The following MTFR1L variants were observed in gnomAD, a reference collection of about 807,000 sequenced individuals.
MTFR1L encodes mitochondrial fission regulator 1-like.
A neutral mutation model predicts 27.9 loss-of-function variants in MTFR1L; 10 were observed. The observed-to-expected ratio is 0.36, with a 90% confidence interval of 0.22 to 0.61. The LOEUF is 0.61. Among genes scored for constraint, MTFR1L ranks in the 20% least tolerant of loss-of-function variants. The pLI, the probability that MTFR1L is intolerant of heterozygous loss-of-function variation, is 0.73. For missense variants in MTFR1L, 315 were observed against 363.7 expected (o/e 0.87, Z 1.09); for synonymous variants, 151 against 139.4 (o/e 1.08, Z -0.58).
rs2048170339 is a variant in MTFR1L at position 25,826,522 on chromosome 1, T to TA, written c.240-92dup. 7 of 1,574,354 alleles carry TA rather than the reference T, an allele frequency of 4.4e-6. No homozygotes were observed. The highest frequency in any genetic ancestry group is 1.7e-5 in the Admixed American group (1 of 59,768). Reference sequence around the variant, plus strand: ...GTGGGCTCAGAGAGGAGCAGAACCTTACTATACTACTCTCACAGAAGTGGG... The same window carrying TA: ...GTGGGCTCAGAGAGGAGCAGAACCTTAACTATACTACTCTCACAGAAGTGGG... On this transcript the variant is annotated intron_variant, in intron 4 of 6. Coordinates refer to ENST00000374303, the MANE Select transcript of MTFR1L (RefSeq NM_001099625.2). This position sits in a 1 kb window ranked among gnomAD's most constrained non-coding sequence, Gnocchi z 4.1.
chr1:25,827,159 G>C (rs1490217886), intron 5 of MTFR1L, among the ~76,000 whole-genome samples: 1 of 151,444 alleles, frequency 6.6e-6, no homozygotes, highest in Non-Finnish European at 1.5e-5. Flanking sequence ...TCTCCTCTGA[G>C]TGAGTCTTGC....
At chr1:25,820,056 A>T (rs1002363128) in intron 1 of MTFR1L, 27 bp downstream of exon 1, 9 of 402,304 alleles carry the variant, frequency 2.2e-5, no homozygotes, top group African/African-American at 1.7e-4. Flanking sequence ...GGAGGCGCGG[A>T]GGCGGGAGCG....
At chr1:25,828,878 G>A (rs1267220937) in intron 5 of MTFR1L, among the ~76,000 whole-genome samples, 1 of 152,182 alleles carries the variant, frequency 6.6e-6, no homozygotes, top group African/African-American at 2.4e-5. Context: ...GAAGTTTTAT[G>A]AAGAATTGTA....
intron 3 of MTFR1L, chr1:25,825,862 G>A (rs1295725753): frequency 6.2e-6 from 1 of 161,462 alleles, no homozygotes; most frequent in Non-Finnish European, 1.4e-5. Flanking sequence ...GTTTTTGAAT[G>A]TGGCTCTGTT....
intron 3 of MTFR1L, among the ~76,000 whole-genome samples, chr1:25,824,319 C>T (rs931062344): frequency 6.6e-6 from 1 of 152,224 alleles, no homozygotes; most frequent in African/African-American, 2.4e-5. Context: ...AGATTCCTAC[C>T]TGGCCCAGGT....
chr1:25,823,233 TC>T, intron 2 of MTFR1L, 105 bp downstream of exon 2: 1 of 1,170,326 alleles, frequency 8.5e-7, no homozygotes, highest in Non-Finnish European at 1.3e-6. Flanking sequence ...CACTCCTTTC[TC>T]CAGAGGCCTG....
At chr1:25,820,720 TGGG>T (rs1557439579) in intron 1 of MTFR1L, 1 of 431,550 alleles carries the variant, frequency 2.3e-6, no homozygotes, top group Non-Finnish European at 4.6e-6. Context: ...CAGTGACACT[TGGG>T]GGCGGGGGTG....
chr1:25,829,772 T>G lies in MTFR1L; in HGVS notation c.715T>G (p.Phe239Val). ...CGTCTCTTTGTCCAAGGCCAGCAGC[T>G]TTGCAGACATGATGGGTATCCTGAA... ...DCVSLSKASS[F>V]ADMMGILKDF... The change falls in exon 6 of 7, where the codon TTT becomes GTT. Residue 239 changes from phenylalanine to valine, a missense_variant. Transcript: ENST00000374303. 6.2e-7 allele frequency: 1 copy of G among 1,610,828 alleles called. No homozygotes were observed. Among genetic ancestry groups the G allele is most frequent in the South Asian group, 1.1e-5 (1 of 91,086 alleles).
At chr1:25,821,795 C>T (rs1470319485) in intron 1 of MTFR1L, 1 of 152,304 alleles carries the variant, frequency 6.6e-6, no homozygotes, top group Admixed American at 6.5e-5. Context: ...GCACTAGGGC[C>T]AGAGCTCTGA....
rs974939754 is a variant in MTFR1L, at chr1:25,826,281, A to G, written c.130-21A>G. 7 of 1,607,644 alleles carry G rather than the reference A, an allele frequency of 4.4e-6. No individual in the cohort carries two copies. In the African/African-American group the frequency reaches 8.0e-5, roughly 18 times the overall value. ...CTCATCATGGCATCTGTAAATGTTG[A>G]TGACTTTTGCTTCTCCATAGACCCT... On this transcript the variant is annotated intron_variant, in intron 3 of 6. Coordinates refer to ENST00000374303, the MANE Select transcript of MTFR1L (RefSeq NM_001099625.2). The surrounding 1 kb of genome is among the most constrained non-coding windows in gnomAD (Gnocchi z 4.1).
intron 5 of MTFR1L, among the ~76,000 whole-genome samples, chr1:25,827,680 A>G (rs2048186090): frequency 6.6e-6 from 1 of 151,968 alleles, no homozygotes; most frequent in African/African-American, 2.4e-5. Context: ...GCCTCAAGCA[A>G]TCCACCCAGC....
At position 25,830,531 on chromosome 1, in the gene MTFR1L, T is replaced by A. The variant is rs551095884; in HGVS notation, c.773+701T>A. ...CTCAGGGAGTCACCCCATTGCATAGTGTTTCTCCAGTTGTGGGTTGCGGTT... is the reference window on the plus strand; with the variant it reads ...CTCAGGGAGTCACCCCATTGCATAGAGTTTCTCCAGTTGTGGGTTGCGGTT... On this transcript the variant is annotated intron_variant, in intron 6 of 6. Transcript: ENST00000374303. Among the ~76,000 whole-genome samples the A allele has an allele frequency of 4.1e-4, 62 of 152,330 alleles. No homozygotes were observed. The South Asian group carries it at 7.7e-3, about 19-fold the overall frequency.
chr1:25,821,431 G>C (rs1159099389), intron 1 of MTFR1L: 1 of 152,648 alleles, frequency 6.6e-6, no homozygotes, highest in African/African-American at 2.4e-5. Context: ...ACCTGGACCA[G>C]GCTTTGGGTG....
At chr1:25,820,754 C>T (rs1362832485) in intron 1 of MTFR1L, 1 of 440,954 alleles carries the variant, frequency 2.3e-6, no homozygotes, top group Non-Finnish European at 4.5e-6. Context: ...TGGTGTTCCC[C>T]TTCATTCGTT....
chr1:25,829,270 G>A (rs72879405), intron 5 of MTFR1L, among the ~76,000 whole-genome samples: 1 of 152,120 alleles, frequency 6.6e-6, no homozygotes, highest in Non-Finnish European at 1.5e-5. Flanking sequence ...TATGGGGCTG[G>A]GTTTTCCTGC....
chr1:25,828,193 G>A (rs1379612142), intron 5 of MTFR1L, among the ~76,000 whole-genome samples: 1 of 152,196 alleles, frequency 6.6e-6, no homozygotes, highest in African/African-American at 2.4e-5. Flanking sequence ...ACCCTTCAAA[G>A]TGGGGAGTTT....
intron 3 of MTFR1L, among the ~76,000 whole-genome samples, chr1:25,824,461 A>G (rs2048142195): frequency 1.3e-5 from 2 of 152,222 alleles, no homozygotes; most frequent in Non-Finnish European, 1.5e-5. Context: ...GAGAGCTGGG[A>G]TACAAAAGAA....
At chr1:25,831,721 C>T (rs756547203) in intron 6 of MTFR1L, among the ~76,000 whole-genome samples, 200 bp from the exon 7 acceptor site, 2 of 152,222 alleles carry the variant, frequency 1.3e-5, no homozygotes, top group African/African-American at 2.4e-5. Context: ...TCTGGATTCA[C>T]CGCTTACTTG....
In MTFR1L at chr1:25,826,527, T is replaced by C; in HGVS notation, c.240-88T>C. On this transcript the variant is annotated intron_variant, in intron 4 of 6. Coordinates refer to ENST00000374303, the MANE Select transcript of MTFR1L (RefSeq NM_001099625.2). The surrounding 1 kb of genome is among the most constrained non-coding windows in gnomAD (Gnocchi z 4.1). Reference sequence around the variant, plus strand: ...CTCAGAGAGGAGCAGAACCTTACTATACTACTCTCACAGAAGTGGGGGAAG... The same window carrying C: ...CTCAGAGAGGAGCAGAACCTTACTACACTACTCTCACAGAAGTGGGGGAAG... 1 of 1,578,054 alleles carries C rather than the reference T, an allele frequency of 6.3e-7. No homozygotes were observed. The highest frequency in any genetic ancestry group is 1.1e-5 in the South Asian group (1 of 89,808).
Sources: gnomAD v4.1 joint callset for allele counts (sites outside exome capture counted in the v4.1 genomes callset) on GRCh38, gnomAD v4.1.1 for gene constraint, Gnocchi (gnomAD v3.1) non-coding constraint, MANE v1.5 for transcripts, NCBI Gene and HGNC (gene_info 2026-07-23, HGNC 2026-07-21) for gene names.